Variants in SLC35E1 observed in about 807,000 individuals in gnomAD.
SLC35E1 encodes the protein solute carrier family 35 member E1, also known as solute carrier family 35, member E1.
Under a neutral mutation model 31.0 loss-of-function variants are expected in SLC35E1, and 12 were observed. That is an observed-to-expected ratio of 0.39 (90% CI 0.25 to 0.63). The LOEUF (loss-of-function observed/expected upper bound fraction) is 0.63. Ranked by LOEUF, SLC35E1 falls within the 20% of genes least tolerant of loss-of-function variation. The probability of loss-of-function intolerance (pLI) is 0.52; values close to 1 mark genes in which losing one functional copy is unlikely to be tolerated. For missense variants in SLC35E1, 429 were observed against 572.2 expected (o/e 0.75, Z 2.55); for synonymous variants, 257 against 264.1 (o/e 0.97, Z 0.26).
In SLC35E1 at chr19:16,572,184, C is replaced by A. The variant is rs1454498406; in HGVS notation, c.181G>T (p.Val61Leu). Residue 61 changes from valine (V) to leucine (L), a missense_variant, in exon 1 of 6, where the codon GTG (valine) becomes TTG (leucine). By Grantham distance (32) the Val-to-Leu change is conservative. Coordinates refer to ENST00000595753, the MANE Select transcript of SLC35E1 (RefSeq NM_024881.5). This position sits in a 1 kb window ranked among gnomAD's most constrained non-coding sequence, Gnocchi z 4.1. ...AGAGCCAGGATGTGGCACAGCGACA[C>A]GGTCACCGGGAACGGGAAGGCGCTC... ...ILSAFPFPVT[V>L]SLCHILALCA... 1.3e-6 allele frequency: 2 copies of A among 1,531,970 alleles called. No homozygotes were observed. The highest frequency in any genetic ancestry group is 4.0e-5 in the Admixed American group (2 of 49,502). 94.9% of individuals were successfully genotyped at this position (1,531,970 alleles called of 1,614,324 possible).
At chr19:16,557,863 C>T (rs931008015) in intron 4 of SLC35E1, among the ~76,000 whole-genome samples, 1 of 151,896 alleles carries the variant, frequency 6.6e-6, no homozygotes, top group Non-Finnish European at 1.5e-5. Context: ...ACCTAGGCTG[C>T]AGTGCAGTGG....
At position 16,553,942 on chromosome 19, in the gene SLC35E1, T is replaced by C. The variant is rs759747138; in HGVS notation, c.1003-33A>G. ...AGAAAGAGAGCAATGAGACAGGACA[T>C]GCCCGGGGCATAAGAGCTCGTAATT... On this transcript the variant is annotated intron_variant, in intron 5 of 5. Transcript: ENST00000595753. The C allele has an allele frequency of 1.9e-6, 3 of 1,543,538 alleles. No homozygotes were observed. The East Asian group carries it at 6.9e-5, about 36-fold the overall frequency.
At chr19:16,564,135 C>T (rs1559202) in intron 4 of SLC35E1, 23,258 of 152,142 alleles carry the variant, frequency 0.15, 2,675 homozygotes, top group African/African-American at 0.33. Context: ...CTCTAAATAC[C>T]GCTCCCCACT....
Position 16,551,001 on chromosome 19 carries a change from G to C in SLC35E1, c.*2678C>G, listed in dbSNP as rs903261417. 2 of 152,142 alleles carry C rather than the reference G, an allele frequency of 1.3e-5. No homozygotes were observed. Among genetic ancestry groups the C allele is most frequent in the African/African-American group, 4.8e-5 (2 of 41,428 alleles). 9.4% of individuals were successfully genotyped at this position (152,142 alleles called of 1,614,324 possible). A position where few individuals can be genotyped will look rare whatever the true frequency, so the allele number is the denominator to read the frequency against. ...AGAGATTTCAGGAAGCCTGAATGGA[G>C]GTCGAATTCATTTTGGAGTTCAATA... On this transcript the variant is annotated 3_prime_UTR_variant, in exon 6 of 6. Transcript: ENST00000595753.
rs767206298 is a variant in SLC35E1 at position 16,555,617 on chromosome 19, C to T, written c.757-220G>A. ...ACCACACAGCATGGGAATCACCCGC[C>T]GTCTCCTGCCAAGGAAACAGGTGAA... On this transcript the variant is annotated intron_variant, in intron 4 of 5. Coordinates refer to ENST00000595753, the MANE Select transcript of SLC35E1 (RefSeq NM_024881.5). This position sits in a 1 kb window ranked among gnomAD's most constrained non-coding sequence, Gnocchi z 4.1. The T allele has an allele frequency of 4.4e-5, 25 of 562,710 alleles. No homozygotes were observed. The highest frequency in any genetic ancestry group is 7.5e-5 in the African/African-American group (4 of 53,220). 34.9% of individuals were successfully genotyped at this position (562,710 alleles called of 1,614,324 possible).
chr19:16,556,470 T>C (rs1337902775), intron 4 of SLC35E1, among the ~76,000 whole-genome samples: 1 of 151,988 alleles, frequency 6.6e-6, no homozygotes, highest in African/African-American at 2.4e-5. Flanking sequence ...GATGGCGCCA[T>C]AGCACCCCAG....
In SLC35E1 at chr19:16,552,077, G is replaced by C. The variant is rs1407923089; in HGVS notation, c.*1602C>G. The C allele has an allele frequency of 6.6e-6, 1 of 152,002 alleles. No individual in the cohort carries two copies. Among genetic ancestry groups the C allele is most frequent in the Non-Finnish European group, 1.5e-5 (1 of 68,014 alleles). The allele number at this position is 152,002 out of a possible 1,614,324, so 9.4% of individuals were successfully genotyped here. ...ACTCTTGACCAAAGAATCTGATTTG[G>C]CAAACCAAATCTTAGTGCAGTGTTC... On this transcript the variant is annotated 3_prime_UTR_variant, in exon 6 of 6. Transcript: ENST00000595753.
At position 16,551,699 on chromosome 19, in the gene SLC35E1, TG is replaced by T. The variant is rs1258379474; in HGVS notation, c.*1979del. 6.6e-6 allele frequency: 1 copy of T among 151,302 alleles called. No individual in the cohort carries two copies. Among genetic ancestry groups the T allele is most frequent in the Non-Finnish European group, 1.5e-5 (1 of 67,918 alleles). The allele number at this position is 151,302 out of a possible 1,614,324, so 9.4% of individuals were successfully genotyped here. ...GACCTGAGCACTCAGGGTTACCTAC[TG>T]GGGTCTTGTCATATTCCTTATGTTG... is the stretch of plus-strand genomic sequence containing the variant. On this transcript the variant is annotated 3_prime_UTR_variant, in exon 6 of 6. Coordinates refer to ENST00000595753, the MANE Select transcript of SLC35E1 (RefSeq NM_024881.5).
At chr19:16,553,938 G>A in intron 5 of SLC35E1, 29 bp from the exon 6 acceptor site, 24 of 1,553,490 alleles carry the variant, frequency 1.5e-5, no homozygotes, top group Non-Finnish European at 2.1e-5. Context: ...AATGAGACAG[G>A]ACATGCCCGG....
chr19:16,570,856 G>T (rs1244809701), intron 2 of SLC35E1, among the ~76,000 whole-genome samples: 1 of 152,138 alleles, frequency 6.6e-6, no homozygotes, highest in African/African-American at 2.4e-5. Context: ...CAGCACTTTG[G>T]GAGGCTGAGG....
rs201334047 is a variant in SLC35E1 at position 16,565,148 on chromosome 19, A to G, written c.756+1384T>C. ...AAGGCAGACCCTGCAGGTGGCAAAA[A>G]GATTCGACGTGGAGTAAATGGAAAC... On this transcript the variant is annotated intron_variant, in intron 4 of 5. Coordinates refer to ENST00000595753, the MANE Select transcript of SLC35E1 (RefSeq NM_024881.5). 1,261 of 456,602 alleles carry G rather than the reference A, an allele frequency of 2.8e-3. 3 individuals are homozygous for G. The highest frequency in any genetic ancestry group is 4.7e-3 in the Non-Finnish European group (1,066 of 226,942). 28.3% of individuals were successfully genotyped at this position (456,602 alleles called of 1,614,324 possible).
chr19:16,568,176 G>A lies in SLC35E1; in HGVS notation c.493-7C>T. On this transcript the variant is annotated splice_region_variant and splice_polypyrimidine_tract_variant and intron_variant, in intron 2 of 5. Coordinates refer to ENST00000595753, the MANE Select transcript of SLC35E1 (RefSeq NM_024881.5). ...GGATGAGTGACAAGTATACCTGCAG[G>A]AAGAGGTCATCAAGAAGGGCTCACA... 2 of 1,604,046 alleles carry A rather than the reference G, an allele frequency of 1.2e-6. No homozygotes were observed. Among genetic ancestry groups the A allele is most frequent in the African/African-American group, 2.7e-5 (2 of 74,534 alleles).
At position 16,572,097 on chromosome 19, in the gene SLC35E1, C is replaced by T. The variant is rs201579767; in HGVS notation, c.268G>A (p.Gly90Ser). The T allele has an allele frequency of 9.9e-6, 15 of 1,516,122 alleles. No homozygotes were observed. The highest frequency in any genetic ancestry group is 5.8e-5 in the African/African-American group (4 of 68,686). The allele number at this position is 1,516,122 out of a possible 1,614,324, so 93.9% of individuals were successfully genotyped here. ...GACGGATGCGGACTGGGTCCGGGGC[C>T]CGAGACGGGCGGCGCGGGGGGCACG... ...WRVPPAPPVSGPGPSPHPSSG... is the reference protein window; with the variant it reads ...WRVPPAPPVSSPGPSPHPSSG... The change falls in exon 1 of 6, where the codon GGC becomes AGC. Residue 90 changes from glycine (G) to serine (S), a missense_variant. Physicochemically the swap from Gly to Ser is moderately conservative, Grantham distance 56. Coordinates refer to ENST00000595753, the MANE Select transcript of SLC35E1 (RefSeq NM_024881.5). This position sits in a 1 kb window ranked among gnomAD's most constrained non-coding sequence, Gnocchi z 4.1.
intron 2 of SLC35E1, among the ~76,000 whole-genome samples, chr19:16,571,005 G>C (rs950292665): frequency 1.3e-5 from 2 of 151,946 alleles, no homozygotes; most frequent in Non-Finnish European, 2.9e-5. Flanking sequence ...GGCTGAGGCA[G>C]GAGAACTGCT....
intron 4 of SLC35E1, among the ~76,000 whole-genome samples, chr19:16,560,736 C>G (rs908893623): frequency 6.7e-6 from 1 of 150,254 alleles, no homozygotes; most frequent in African/African-American, 2.5e-5. Context: ...GTGGTGCGCG[C>G]CTACAATTCC....
chr19:16,553,079 G>C lies in SLC35E1; in HGVS notation c.*600C>G, dbSNP rs1186169598. 1 of 152,238 alleles carries C rather than the reference G, an allele frequency of 6.6e-6. No homozygotes were observed. The highest frequency in any genetic ancestry group is 1.9e-4 in the East Asian group (1 of 5,194). 9.4% of individuals were successfully genotyped at this position (152,238 alleles called of 1,614,324 possible). On this transcript the variant is annotated 3_prime_UTR_variant, in exon 6 of 6. Transcript: ENST00000595753. Reference sequence around the variant, plus strand: ...CTTTTTGCTTTGGAACATTTGCCAGGAACTTGTGAACTGCTAAGGGGATGA... The same window carrying C: ...CTTTTTGCTTTGGAACATTTGCCAGCAACTTGTGAACTGCTAAGGGGATGA...
chr19:16,555,097 T>C lies in SLC35E1; in HGVS notation c.1002+55A>G. 6.2e-7 allele frequency: 1 copy of C among 1,607,472 alleles called. No individual in the cohort carries two copies. Among genetic ancestry groups the C allele is most frequent in the Non-Finnish European group, 8.5e-7 (1 of 1,176,810 alleles). On this transcript the variant is annotated intron_variant, in intron 5 of 5. Transcript: ENST00000595753. The surrounding 1 kb of genome is among the most constrained non-coding windows in gnomAD (Gnocchi z 4.1). ...CCCGGGAGGCCCTTCCTTTTCTGAC[T>C]TCCTGGGTGTTGGGGGGCCGGCTTC...
chr19:16,558,519 T>G lies in SLC35E1; in HGVS notation c.757-3122A>C, dbSNP rs567481455. 1.6e-4 allele frequency among the ~76,000 whole-genome samples: 24 copies of G among 152,034 alleles called. No homozygotes were observed. In the East Asian group the frequency reaches 4.5e-3, roughly 28 times the overall value. Reference sequence around the variant, plus strand: ...ACCTGGCTAATTTTTCTATTTTTAGTAGAGGAGGAGTTTCACTATATTGGG... The same window carrying G: ...ACCTGGCTAATTTTTCTATTTTTAGGAGAGGAGGAGTTTCACTATATTGGG... On this transcript the variant is annotated intron_variant, in intron 4 of 5. Transcript: ENST00000595753.
At position 16,555,437 on chromosome 19, in the gene SLC35E1, A is replaced by G. The variant is rs1262000791; in HGVS notation, c.757-40T>C. On this transcript the variant is annotated intron_variant, in intron 4 of 5. Transcript: ENST00000595753. This position sits in a 1 kb window ranked among gnomAD's most constrained non-coding sequence, Gnocchi z 4.1. ...AGGTAAAGACAGCACTTCAGTGGGC[A>G]GCGGTGACCCTGCCTCCCTGTATCC... The G allele has an allele frequency of 6.2e-7, 1 of 1,603,072 alleles. No homozygotes were observed. Among genetic ancestry groups the G allele is most frequent in the South Asian group, 1.1e-5 (1 of 90,358 alleles).
Sources: allele counts gnomAD v4.1 joint callset (sites outside exome capture counted in the v4.1 genomes callset), GRCh38; gene constraint gnomAD v4.1.1; non-coding constraint Gnocchi (gnomAD v3.1); transcripts MANE v1.5; gene names NCBI Gene and HGNC (gene_info 2026-07-23, HGNC 2026-07-21).